Variants in CYYR1 observed in about 807,000 individuals in gnomAD.
The protein encoded by CYYR1 is cysteine and tyrosine rich 1, also known as cysteine and tyrosine-rich protein 1.
Under a neutral mutation model 15.2 loss-of-function variants are expected in CYYR1, and 14 were observed. The ratio of observed to expected loss-of-function variants is 0.92; its 90% CI spans 0.61 to 1.44. The LOEUF is 1.44. CYYR1 is among the 40% of genes most tolerant of loss of function. CYYR1 has a pLI of 0.00. For synonymous variants in CYYR1, 80 were observed against 77.4 expected (o/e 1.03, Z -0.18); for missense variants, 228 against 209.5 (o/e 1.09, Z -0.54).
At chr21:26,571,980 A>G (rs1039731799) in intron 1 of CYYR1, among the ~76,000 whole-genome samples, 1 of 152,254 alleles carries the variant, frequency 6.6e-6, no homozygotes, top group Admixed American at 6.5e-5. Flanking sequence ...CAGGTGCAAC[A>G]CTGAAGAACA....
intron 1 of CYYR1, among the ~76,000 whole-genome samples, chr21:26,572,234 T>G (rs767042843): frequency 6.6e-6 from 1 of 152,230 alleles, no homozygotes; most frequent in South Asian, 2.1e-4. Flanking sequence ...TGGGGCTCCA[T>G]ATTAATCACA....
chr21:26,542,597 C>T (rs1978652834), intron 2 of CYYR1, among the ~76,000 whole-genome samples: 1 of 151,930 alleles, frequency 6.6e-6, no homozygotes, highest in South Asian at 2.1e-4. Flanking sequence ...GGCAAAGATA[C>T]CTACTCCAAC....
chr21:26,487,738 A>G (rs1389424063), intron 2 of CYYR1, among the ~76,000 whole-genome samples: 3 of 152,024 alleles, frequency 2.0e-5, no homozygotes, highest in Non-Finnish European at 4.4e-5. Flanking sequence ...CTCTATTTCT[A>G]TTTTTATCTC....
chr21:26,551,576 C>T (rs1459962170), intron 2 of CYYR1: 1 of 155,308 alleles, frequency 6.4e-6, no homozygotes. Flanking sequence ...GGGTTCAAGA[C>T]TTTGGTAGAG....
chr21:26,501,745 T>C (rs938539522), intron 2 of CYYR1, among the ~76,000 whole-genome samples: 1 of 152,182 alleles, frequency 6.6e-6, no homozygotes, highest in Non-Finnish European at 1.5e-5. Flanking sequence ...ACAGTTAGAC[T>C]GAATGAAAAC....
intron 3 of CYYR1, among the ~76,000 whole-genome samples, chr21:26,473,797 G>A (rs219648): frequency 0.82 from 124,660 of 152,078 alleles, 51,203 homozygotes; most frequent in East Asian, 0.91. Flanking sequence ...AGTGGAAAGG[G>A]ACATTCACAT....
intron 2 of CYYR1, among the ~76,000 whole-genome samples, chr21:26,520,485 G>C (rs1394559703): frequency 6.6e-6 from 1 of 152,032 alleles, no homozygotes; most frequent in Non-Finnish European, 1.5e-5. Context: ...ATCGTTGATG[G>C]GCATTTGGGT....
At chr21:26,551,037 G>A (rs1914362451) in intron 2 of CYYR1, 1 of 152,638 alleles carries the variant, frequency 6.6e-6, no homozygotes, top group African/African-American at 2.4e-5. Context: ...TGAAGTTGAA[G>A]CCAGTGCTCA....
At chr21:26,479,302 GAAA>G (rs199514031) in intron 3 of CYYR1, among the ~76,000 whole-genome samples, 1 of 130,872 alleles carries the variant, frequency 7.6e-6, no homozygotes, top group Non-Finnish European at 1.7e-5. Flanking sequence ...GATGATAGAG[GAAA>G]AAAAAAAAAA....
chr21:26,512,481 G>A (rs576822593), intron 2 of CYYR1, among the ~76,000 whole-genome samples: 2 of 152,054 alleles, frequency 1.3e-5, no homozygotes, highest in Admixed American at 6.6e-5. Context: ...GGATCACAGC[G>A]TGAGCCACCG....
chr21:26,530,139 A>T (rs1297210398), intron 2 of CYYR1, among the ~76,000 whole-genome samples: 1 of 152,152 alleles, frequency 6.6e-6, no homozygotes, highest in African/African-American at 2.4e-5. Flanking sequence ...TTTGCCAGAC[A>T]ATTTTGCTTG....
intron 2 of CYYR1, among the ~76,000 whole-genome samples, chr21:26,487,239 A>T (rs982272866): frequency 1.2e-4 from 18 of 152,198 alleles, no homozygotes; most frequent in African/African-American, 3.8e-4. Flanking sequence ...TGGAAAAAGT[A>T]ACCATAGCTT....
At chr21:26,572,717 T>G (rs1363985736) in intron 1 of CYYR1, 151 bp downstream of exon 1, 1 of 909,142 alleles carries the variant, frequency 1.1e-6, no homozygotes, top group African/African-American at 1.8e-5. Context: ...GTGCGCGGGT[T>G]TCTGCCGTCG....
At chr21:26,552,299 T>C (rs1979449865) in intron 2 of CYYR1, among the ~76,000 whole-genome samples, 1 of 152,198 alleles carries the variant, frequency 6.6e-6, no homozygotes. Context: ...GGTATAATTG[T>C]ACTTTGTCAG....
intron 2 of CYYR1, among the ~76,000 whole-genome samples, chr21:26,532,489 G>A (rs1047564661): frequency 7.2e-5 from 11 of 152,040 alleles, no homozygotes; most frequent in African/African-American, 2.4e-4. Context: ...CCGTTTCCTG[G>A]TCCCTCCACT....
At chr21:26,562,709 C>T (rs1285768685) in intron 2 of CYYR1, among the ~76,000 whole-genome samples, 1 of 149,880 alleles carries the variant, frequency 6.7e-6, no homozygotes, top group Non-Finnish European at 1.5e-5. Context: ...TGATCTGTTC[C>T]CTAAACATCT....
chr21:26,499,311 G>A (rs553634727), intron 2 of CYYR1, among the ~76,000 whole-genome samples: 20 of 152,262 alleles, frequency 1.3e-4, no homozygotes, highest in African/African-American at 4.6e-4. Context: ...AAAAGAGAAG[G>A]CCATGTGACT....
chr21:26,542,394 T>C (rs1978637033), intron 2 of CYYR1, among the ~76,000 whole-genome samples: 1 of 151,720 alleles, frequency 6.6e-6, no homozygotes, highest in Non-Finnish European at 1.5e-5. Context: ...ATATTTCACC[T>C]TACAAGAGAC....
chr21:26,517,433 C>G (rs2065746717), intron 2 of CYYR1, among the ~76,000 whole-genome samples: 1 of 152,152 alleles, frequency 6.6e-6, no homozygotes, highest in South Asian at 2.1e-4. Flanking sequence ...GTCTATCTAG[C>G]TATATTTAGT....
Sources: allele counts gnomAD v4.1 joint callset (sites outside exome capture counted in the v4.1 genomes callset), GRCh38; gene constraint gnomAD v4.1.1; transcripts MANE v1.5; gene names NCBI Gene and HGNC (gene_info 2026-07-23, HGNC 2026-07-21).